Variants in RASA1 observed in about 807,000 individuals in gnomAD.
RASA1 encodes the protein RAS p21 protein activator 1.
A neutral mutation model predicts 132.2 loss-of-function variants in RASA1; 25 were observed. That is an observed-to-expected ratio of 0.19 (90% confidence interval 0.14 to 0.26). The LOEUF is 0.26. RASA1 is among the 10% of genes least tolerant of loss of function. The pLI, the probability that RASA1 is intolerant of heterozygous loss-of-function variation, is 1.00. For synonymous variants in RASA1, 477 were observed against 449.9 expected, an observed-to-expected ratio of 1.06 and a Z score of -0.76; for missense variants, 964 against 1,299.2, an observed-to-expected ratio of 0.74 and a Z score of 3.97.
chr5:87,283,742 T>C (rs1754422449), intron 1 of RASA1, among the ~76,000 whole-genome samples: 1 of 152,132 alleles, frequency 6.6e-6, no homozygotes, highest in South Asian at 2.1e-4. Flanking sequence ...TTTTGACCCC[T>C]AAGTCTATTT....
chr5:87,379,865 TTTC>T lies in RASA1; in HGVS notation c.2603+16_2603+18del. 6.2e-7 allele frequency: 1 copy of T among 1,609,968 alleles called. No individual in the cohort carries two copies. The highest frequency in any genetic ancestry group is 8.5e-7 in the Non-Finnish European group (1 of 1,176,952). The stretch of plus-strand genomic sequence containing the variant: ...ATACTTCCACCGTAAGTGGTGAAAT[TTTC>T]ATTTGACAAGAAATTGTGTATCTAT... On this transcript the variant is annotated intron_variant, in intron 19 of 24. Transcript: ENST00000274376.
intron 5 of RASA1, among the ~76,000 whole-genome samples, chr5:87,338,734 T>G (rs887058462): frequency 1.3e-5 from 2 of 151,044 alleles, no homozygotes; most frequent in East Asian, 3.9e-4. Flanking sequence ...TGAAGTTATA[T>G]CAGTCTGATC....
chr5:87,269,463 G>A (rs1327915548), intron 1 of RASA1, among the ~76,000 whole-genome samples: 1 of 152,184 alleles, frequency 6.6e-6, no homozygotes, highest in African/African-American at 2.4e-5. Context: ...TTTTATTTCA[G>A]TGCACAGCCC....
At chr5:87,376,278 C>G in intron 15 of RASA1, 115 bp from the exon 16 acceptor site, 1 of 1,258,196 alleles carries the variant, frequency 7.9e-7, no homozygotes, top group South Asian at 1.3e-5. Flanking sequence ...CTGAAAACTC[C>G]TTTAATGAAA....
intron 11 of RASA1, among the ~76,000 whole-genome samples, chr5:87,367,551 T>G (rs996165858): frequency 6.6e-6 from 1 of 152,228 alleles, no homozygotes; most frequent in Non-Finnish European, 1.5e-5. Context: ...TTCCAGATTA[T>G]TTTCAATATT....
intron 9 of RASA1, among the ~76,000 whole-genome samples, chr5:87,353,700 A>G (rs1370902278): frequency 1.3e-5 from 2 of 152,142 alleles, no homozygotes; most frequent in Admixed American, 6.5e-5. Context: ...AAAACTGTAT[A>G]GTAGTAAAGA....
Position 87,363,512 on chromosome 5 carries a change from A to G in RASA1, c.1610+8A>G. On this transcript the variant is annotated splice_region_variant and intron_variant, in intron 11 of 24. Coordinates refer to ENST00000274376, the MANE Select transcript of RASA1 (RefSeq NM_002890.3). Reference sequence around the variant, plus strand: ...TGATAGTCTCTTTGGCAGGTAAGAGACTGGTTTCCTATTTTTCTTTCGGAA... The same window carrying G: ...TGATAGTCTCTTTGGCAGGTAAGAGGCTGGTTTCCTATTTTTCTTTCGGAA... 2 of 1,609,180 alleles carry G rather than the reference A, an allele frequency of 1.2e-6. No individual in the cohort carries two copies. The highest frequency in any genetic ancestry group is 2.2e-5 in the South Asian group (2 of 90,972).
intron 1 of RASA1, among the ~76,000 whole-genome samples, chr5:87,276,212 C>T (rs1475212847): frequency 6.6e-6 from 1 of 152,024 alleles, no homozygotes; most frequent in Non-Finnish European, 1.5e-5. Context: ...GCTAAGTTGT[C>T]TTTTGTTAAA....
intron 13 of RASA1, among the ~76,000 whole-genome samples, chr5:87,372,893 G>T (rs1374305032): frequency 6.6e-6 from 1 of 152,110 alleles, no homozygotes; most frequent in East Asian, 1.9e-4. Flanking sequence ...TTAACATACT[G>T]TTCTACTGGG....
chr5:87,389,461 G>C lies in RASA1; in HGVS notation c.2994G>C (p.Leu998Phe). The change falls in exon 24 of 25, where the codon TTG (leucine) becomes TTC (phenylalanine). Residue 998 changes from leucine to phenylalanine, a missense_variant. By Grantham distance (22) the Leu-to-Phe change is conservative. This residue lies in a region of RASA1 where 107 missense variants were observed against 163.8 expected (regional missense o/e 0.65). Transcript: ENST00000274376. The part of the protein sequence containing the change: ...RTDLSRDLAA[L>F]HEICVAHSDE... ...ACCTGTCCCGTGATTTAGCAGCATT[G>C]CATGAGATTTGCGTGGCTCATTCAG... The C allele has an allele frequency of 6.2e-7, 1 of 1,614,170 alleles. No individual in the cohort carries two copies. The highest frequency in any genetic ancestry group is 8.5e-7 in the Non-Finnish European group (1 of 1,179,994).
intron 1 of RASA1, among the ~76,000 whole-genome samples, chr5:87,280,140 C>T (rs947928367): frequency 6.6e-6 from 1 of 152,196 alleles, no homozygotes; most frequent in Admixed American, 6.6e-5. Flanking sequence ...TGGTGCCCAC[C>T]CAGAGTGGGT....
chr5:87,368,882 T>C (rs1432731608), intron 11 of RASA1, among the ~76,000 whole-genome samples: 1 of 152,172 alleles, frequency 6.6e-6, no homozygotes, highest in African/African-American at 2.4e-5. Context: ...TTTCAAACAG[T>C]TGTTTTTCTG....
intron 9 of RASA1, among the ~76,000 whole-genome samples, chr5:87,361,844 CA>C (rs112727017): frequency 0.032 from 4,833 of 151,820 alleles, 157 homozygotes; most frequent in African/African-American, 0.074. Flanking sequence ...TAGTTTTATA[CA>C]TTTTTTTTTA....
intron 8 of RASA1, among the ~76,000 whole-genome samples, chr5:87,349,750 T>G (rs1177568935): frequency 1.3e-5 from 2 of 151,946 alleles, no homozygotes; most frequent in African/African-American, 4.8e-5. Flanking sequence ...TACCTGAGAC[T>G]TATTATACAG....
intron 1 of RASA1, among the ~76,000 whole-genome samples, chr5:87,323,523 G>T (rs1018462035): frequency 6.6e-6 from 1 of 152,136 alleles, no homozygotes; most frequent in South Asian, 2.1e-4. Context: ...GTTCTTTGAG[G>T]CATATTTCAG....
chr5:87,367,654 T>C (rs138112806), intron 11 of RASA1, among the ~76,000 whole-genome samples: 1 of 152,362 alleles, frequency 6.6e-6, no homozygotes, highest in Non-Finnish European at 1.5e-5. Flanking sequence ...ACAAAGTTAT[T>C]CTAGTGACTA....
intron 8 of RASA1, among the ~76,000 whole-genome samples, chr5:87,351,038 T>C (rs910751305): frequency 1.3e-5 from 2 of 151,718 alleles, no homozygotes; most frequent in Non-Finnish European, 3.0e-5. Flanking sequence ...GATTTTTCAA[T>C]AAATCTGTCG....
At chr5:87,367,624 TAGAA>T (rs1206145034) in intron 11 of RASA1, among the ~76,000 whole-genome samples, 2 of 152,300 alleles carry the variant, frequency 1.3e-5, no homozygotes, top group African/African-American at 2.4e-5. Context: ...CTGCATTACT[TAGAA>T]AGATGTCTTA....
At chr5:87,387,262 A>C (rs1355128429) in intron 23 of RASA1, among the ~76,000 whole-genome samples, 5 of 152,092 alleles carry the variant, frequency 3.3e-5, no homozygotes, top group Admixed American at 6.6e-5. Flanking sequence ...GTGGGGCGTG[A>C]AGCAAGACGA....
Sources: allele counts gnomAD v4.1 joint callset (sites outside exome capture counted in the v4.1 genomes callset), GRCh38; gene constraint gnomAD v4.1.1; regional missense constraint gnomAD v4.1.1; transcripts MANE v1.5; gene names NCBI Gene and HGNC (gene_info 2026-07-23, HGNC 2026-07-21).